The following SPTLC1 variants were observed in gnomAD, a reference collection of about 807,000 sequenced individuals.
The protein encoded by SPTLC1 is serine palmitoyltransferase long chain base subunit 1.
SPTLC1 carries 55 observed loss-of-function variants against 68.9 expected under a neutral mutation model. That is an observed-to-expected ratio of 0.80 (90% CI 0.64 to 1.00). SPTLC1 has a LOEUF of 1.00. Among genes scored for constraint, SPTLC1 ranks in the 50% least tolerant of loss-of-function variants. The pLI, the probability that SPTLC1 is intolerant of heterozygous loss-of-function variation, is 0.00. For synonymous variants in SPTLC1, 197 were observed against 201.6 expected, an observed-to-expected ratio of 0.98 and a Z score of 0.19; for missense variants, 449 against 573.1, an observed-to-expected ratio of 0.78 and a Z score of 2.21.
chr9:92,064,438 G>A (rs769165311), intron 6 of SPTLC1, among the ~76,000 whole-genome samples: 1 of 152,160 alleles, frequency 6.6e-6, no homozygotes, highest in Non-Finnish European at 1.5e-5. Context: ...TATCAGACTG[G>A]CTAAAAAAGT....
chr9:92,047,972 T>C (rs79088444), intron 9 of SPTLC1, among the ~76,000 whole-genome samples: 2,587 of 152,172 alleles, frequency 0.017, 65 homozygotes, highest in East Asian at 0.084. Flanking sequence ...CAAAGACAAA[T>C]AAATTATAAG....
intron 3 of SPTLC1, among the ~76,000 whole-genome samples, chr9:92,107,056 C>T (rs1378768355): frequency 6.6e-6 from 1 of 152,166 alleles, no homozygotes; most frequent in African/African-American, 2.4e-5. Context: ...AAATTCAACA[C>T]ACTTCTAATA....
chr9:92,031,800 AGG>A lies in SPTLC1; in HGVS notation c.*663_*664del, dbSNP rs1832971897. 1 of 153,694 alleles carries A rather than the reference AGG, an allele frequency of 6.5e-6. No individual in the cohort carries two copies. Among genetic ancestry groups the A allele is most frequent in the Non-Finnish European group, 1.5e-5 (1 of 68,816 alleles). 9.5% of individuals were successfully genotyped at this position (153,694 alleles called of 1,614,324 possible). A position where few individuals can be genotyped will look rare whatever the true frequency, so the allele number is the denominator to read the frequency against. ...TTCTGATTTAAATTATTGCTCACTT[AGG>A]AAGTATAATGAATATTCTCTGGCTA... On this transcript the variant is annotated 3_prime_UTR_variant, in exon 15 of 15. Transcript: ENST00000262554.
rs558761351 is a variant in SPTLC1 at position 92,051,077 on chromosome 9, C to T, written c.781-1010G>A. 135 of 985,014 alleles carry T rather than the reference C, an allele frequency of 1.4e-4. No homozygotes were observed. The African/African-American group carries it at 2.3e-3, about 17-fold the overall frequency. 61.0% of individuals were successfully genotyped at this position (985,014 alleles called of 1,614,324 possible). Reference sequence around the variant, plus strand: ...TTACTGTAGCCCTATAATATACGTCCTAGTATCTTCTGGTTCACTACCTCC... The same window carrying T: ...TTACTGTAGCCCTATAATATACGTCTTAGTATCTTCTGGTTCACTACCTCC... On this transcript the variant is annotated intron_variant, in intron 8 of 14. Transcript: ENST00000262554.
rs1402100885 is a variant in SPTLC1, at chr9:92,047,707, A to G, written c.890T>C (p.Ile297Thr). The change falls in exon 10 of 15, where the codon ATT becomes ACT. Residue 297 changes from isoleucine to threonine, a missense_variant and splice_region_variant. Physicochemically the swap from Ile to Thr is moderately conservative, Grantham distance 89. Transcript: ENST00000262554. The stretch of plus-strand genomic sequence containing the variant: ...GGCACTGATAAGATCAATATCATCA[A>G]TCTGCCGGAAAAGGAGGAGTGACAG... ...RGVTEHYGIN[I>T]DDIDLISANM... is the part of the protein sequence containing the mutation. The G allele has an allele frequency of 6.2e-7, 1 of 1,609,438 alleles. No individual in the cohort carries two copies. The highest frequency in any genetic ancestry group is 1.7e-5 in the Admixed American group (1 of 59,976).
intron 5 of SPTLC1, among the ~76,000 whole-genome samples, chr9:92,077,787 A>T (rs1216831004): frequency 1.3e-5 from 2 of 152,064 alleles, no homozygotes; most frequent in Admixed American, 6.6e-5. Flanking sequence ...TCAAGCTGCC[A>T]CCCTTAACTC....
intron 1 of SPTLC1, among the ~76,000 whole-genome samples, chr9:92,112,836 G>A (rs906492668): frequency 5.9e-5 from 9 of 152,286 alleles, no homozygotes; most frequent in African/African-American, 2.2e-4. Flanking sequence ...GGCCAGGCGT[G>A]GTGGCTCATA....
chr9:92,110,990 C>G (rs907727644), intron 2 of SPTLC1: 1 of 152,102 alleles, frequency 6.6e-6, no homozygotes, highest in Non-Finnish European at 1.5e-5. Context: ...TTTAATCAAC[C>G]AAACAATAAT....
chr9:92,041,110 G>A (rs193050366), intron 12 of SPTLC1, among the ~76,000 whole-genome samples: 1 of 152,342 alleles, frequency 6.6e-6, no homozygotes, highest in East Asian at 1.9e-4. Flanking sequence ...TGTGCTTACA[G>A]TCTATAGGGA....
At chr9:92,088,630 A>G (rs1267159968) in intron 3 of SPTLC1, among the ~76,000 whole-genome samples, 1 of 152,270 alleles carries the variant, frequency 6.6e-6, no homozygotes, top group Admixed American at 6.5e-5. Context: ...AGACCATTCT[A>G]TAAAAACTGT....
At chr9:92,086,985 C>A (rs571290069) in intron 3 of SPTLC1, among the ~76,000 whole-genome samples, 5 of 152,256 alleles carry the variant, frequency 3.3e-5, no homozygotes, top group African/African-American at 1.2e-4. Context: ...CACTTCATTT[C>A]ATTCATTTCA....
At chr9:92,081,460 G>A (rs573850411) in intron 3 of SPTLC1, among the ~76,000 whole-genome samples, 2 of 152,170 alleles carry the variant, frequency 1.3e-5, no homozygotes, top group Non-Finnish European at 2.9e-5. Flanking sequence ...TAAAGTTAAC[G>A]CTGGAATGCT....
At chr9:92,088,578 C>A (rs1166946823) in intron 3 of SPTLC1, among the ~76,000 whole-genome samples, 1 of 152,124 alleles carries the variant, frequency 6.6e-6, no homozygotes, top group Non-Finnish European at 1.5e-5. Flanking sequence ...CAAACAAATA[C>A]CGAGATAGAC....
chr9:92,039,108 C>T (rs888766045), intron 12 of SPTLC1, among the ~76,000 whole-genome samples: 5 of 152,184 alleles, frequency 3.3e-5, no homozygotes, highest in Admixed American at 6.5e-5. Context: ...GATTGTGCCA[C>T]TACACTCCAG....
chr9:92,048,667 T>G (rs1313476984), intron 9 of SPTLC1, among the ~76,000 whole-genome samples: 1 of 152,224 alleles, frequency 6.6e-6, no homozygotes, highest in South Asian at 2.1e-4. Context: ...CATTGCACTG[T>G]GTATTTCTAA....
chr9:92,084,901 T>C (rs1835049700), intron 3 of SPTLC1, among the ~76,000 whole-genome samples: 1 of 152,242 alleles, frequency 6.6e-6, no homozygotes, highest in African/African-American at 2.4e-5. Flanking sequence ...AGCTATTGAT[T>C]ATTGCCACAA....
At chr9:92,070,617 G>A (rs747039120) in intron 5 of SPTLC1, among the ~76,000 whole-genome samples, 11 of 152,094 alleles carry the variant, frequency 7.2e-5, no homozygotes, top group Admixed American at 7.2e-4. Context: ...GGTCATCACA[G>A]AGCTCAGATT....
intron 14 of SPTLC1, 136 bp downstream of exon 14, chr9:92,034,673 AG>A: frequency 2.7e-6 from 2 of 738,732 alleles, no homozygotes; most frequent in Non-Finnish European, 2.4e-6. Context: ...AGCAGAAGAC[AG>A]GTAATGTACT....
intron 3 of SPTLC1, among the ~76,000 whole-genome samples, chr9:92,091,381 G>A (rs189018954): frequency 7.2e-5 from 11 of 152,270 alleles, no homozygotes; most frequent in Non-Finnish European, 7.4e-5. Flanking sequence ...ATGCATCCAA[G>A]TATTCAGACA....
Sources: allele counts gnomAD v4.1 joint callset (sites outside exome capture counted in the v4.1 genomes callset), GRCh38; gene constraint gnomAD v4.1.1; transcripts MANE v1.5; gene names NCBI Gene and HGNC (gene_info 2026-07-23, HGNC 2026-07-21).